The following MTREX variants were observed in gnomAD, a reference collection of about 807,000 sequenced individuals.
The protein encoded by MTREX is Mtr4 exosome RNA helicase, also known as exosome RNA helicase MTR4.
MTREX carries 76 observed loss-of-function variants against 135.4 expected under a neutral mutation model. The ratio of observed to expected loss-of-function variants is 0.56; its 90% CI spans 0.47 to 0.68. The LOEUF (loss-of-function observed/expected upper bound fraction) is 0.68. Among genes scored for constraint, MTREX ranks in the 30% least tolerant of loss-of-function variants. The probability of loss-of-function intolerance (pLI) is 0.00; values close to 1 mark genes in which losing one functional copy is unlikely to be tolerated. For missense variants in MTREX, 920 were observed against 1,262.1 expected (o/e 0.73, Z 4.11); for synonymous variants, 404 against 401.6 (o/e 1.01, Z -0.07).
intron 2 of MTREX, 104 bp from the exon 3 acceptor site, chr5:55,324,028 A>T (rs1427719373): frequency 1.0e-5 from 8 of 765,836 alleles, no homozygotes; most frequent in South Asian, 3.3e-5. Flanking sequence ...TGGAATACTG[A>T]TGATTGGACA....
intron 18 of MTREX, 130 bp downstream of exon 18, chr5:55,379,325 A>C: frequency 1.8e-6 from 1 of 569,696 alleles, no homozygotes; most frequent in Non-Finnish European, 3.0e-6. Context: ...GCCATGAGGA[A>C]TTAATTTTTG....
chr5:55,408,401 A>G (rs1433252456), intron 22 of MTREX, among the ~76,000 whole-genome samples: 6 of 152,112 alleles, frequency 3.9e-5, no homozygotes, highest in Admixed American at 2.0e-4. Context: ...TCTGCCCCCA[A>G]TGTTAGACTG....
chr5:55,313,804 C>G (rs1319883378), intron 1 of MTREX, among the ~76,000 whole-genome samples: 1 of 152,200 alleles, frequency 6.6e-6, no homozygotes, highest in Non-Finnish European at 1.5e-5. Flanking sequence ...TCCATTTCCT[C>G]CCTCCCCTTT....
chr5:55,317,964 T>C (rs890973142), intron 1 of MTREX, among the ~76,000 whole-genome samples: 9 of 152,138 alleles, frequency 5.9e-5, no homozygotes, highest in Non-Finnish European at 7.4e-5. Context: ...ACAAAGGACA[T>C]GAACAGACAT....
chr5:55,310,064 T>C (rs1749086149), intron 1 of MTREX, among the ~76,000 whole-genome samples: 1 of 152,218 alleles, frequency 6.6e-6, no homozygotes, highest in Non-Finnish European at 1.5e-5. Context: ...AATACATGTA[T>C]AATTTACCAT....
At chr5:55,317,354 A>T (rs1481784622) in intron 1 of MTREX, among the ~76,000 whole-genome samples, 2 of 152,212 alleles carry the variant, frequency 1.3e-5, no homozygotes, top group African/African-American at 2.4e-5. Context: ...AAAGCTGGAG[A>T]GGCATCACAT....
At chr5:55,330,111 C>G (rs1415339968) in intron 5 of MTREX, among the ~76,000 whole-genome samples, 3 of 152,002 alleles carry the variant, frequency 2.0e-5, no homozygotes, top group African/African-American at 7.2e-5. Flanking sequence ...CAGGGTCTTG[C>G]TCTGTCGCCC....
chr5:55,357,509 C>CT (rs1180791475), intron 14 of MTREX: 1 of 155,662 alleles, frequency 6.4e-6, no homozygotes, highest in Non-Finnish European at 1.4e-5. Flanking sequence ...AAGGACCTTG[C>CT]TTTTCCCTCA....
rs1749227703 is a variant in MTREX, at chr5:55,318,083, C to G, written c.135-4244C>G. ...ACCACAAATGAGATACCATCTAACA[C>G]CAGTCAGAATGGCTATTACTAAAAA... is the stretch of plus-strand genomic sequence containing the variant. On this transcript the variant is annotated intron_variant, in intron 1 of 26. Coordinates refer to ENST00000230640, the MANE Select transcript of MTREX (RefSeq NM_015360.5). Among the ~76,000 whole-genome samples, 4 of 152,138 alleles carry G rather than the reference C, an allele frequency of 2.6e-5. No individual in the cohort carries two copies. In the South Asian group the frequency reaches 6.2e-4, roughly 24 times the overall value.
chr5:55,333,463 C>T, intron 5 of MTREX, among the ~76,000 whole-genome samples: 1 of 152,100 alleles, frequency 6.6e-6, no homozygotes, highest in East Asian at 1.9e-4. Flanking sequence ...GCATTTAAAG[C>T]CAGCATATGT....
intron 5 of MTREX, among the ~76,000 whole-genome samples, chr5:55,337,485 TGTAA>T (rs1375906278): frequency 6.6e-6 from 1 of 152,066 alleles, no homozygotes; most frequent in Non-Finnish European, 1.5e-5. Context: ...TTATGTTTAA[TGTAA>T]GTGTTTATAT....
chr5:55,417,071 G>A (rs1750977220), intron 25 of MTREX, among the ~76,000 whole-genome samples: 1 of 152,068 alleles, frequency 6.6e-6, no homozygotes, highest in Non-Finnish European at 1.5e-5. Flanking sequence ...AACTTTATGG[G>A]TTTTAAGGTT....
intron 15 of MTREX, among the ~76,000 whole-genome samples, chr5:55,361,683 C>G (rs1289905080): frequency 1.3e-5 from 2 of 151,480 alleles, no homozygotes; most frequent in Non-Finnish European, 2.9e-5. Flanking sequence ...GTCTCGAACT[C>G]CTGACCTCAG....
chr5:55,378,974 T>TA (rs1176235459), intron 17 of MTREX, among the ~76,000 whole-genome samples, 153 bp from the exon 18 acceptor site: 1 of 152,240 alleles, frequency 6.6e-6, no homozygotes, highest in African/African-American at 2.4e-5. Context: ...GCAGGGTTGA[T>TA]ATCTTGTTTC....
chr5:55,321,115 A>C (rs917382630), intron 1 of MTREX, among the ~76,000 whole-genome samples: 1 of 152,198 alleles, frequency 6.6e-6, no homozygotes, highest in African/African-American at 2.4e-5. Flanking sequence ...TTGCCATTTT[A>C]AAGTGAATTA....
intron 5 of MTREX, among the ~76,000 whole-genome samples, chr5:55,337,043 C>G (rs1365153427): frequency 6.6e-6 from 1 of 152,104 alleles, no homozygotes; most frequent in Non-Finnish European, 1.5e-5. Context: ...CTAGGCATTT[C>G]TTTGTGGGAA....
At chr5:55,326,354 C>G (rs1458867816) in intron 3 of MTREX, among the ~76,000 whole-genome samples, 1 of 152,078 alleles carries the variant, frequency 6.6e-6, no homozygotes, top group Non-Finnish European at 1.5e-5. Flanking sequence ...GAGCTGAGAT[C>G]ACGCCACTGT....
At chr5:55,412,724 C>T (rs1384156111) in intron 23 of MTREX, among the ~76,000 whole-genome samples, 1 of 152,178 alleles carries the variant, frequency 6.6e-6, no homozygotes, top group Non-Finnish European at 1.5e-5. Context: ...AATTAACCTC[C>T]TCACATCAGG....
chr5:55,322,610 A>G, intron 2 of MTREX, 146 bp downstream of exon 2: 1 of 558,448 alleles, frequency 1.8e-6, no homozygotes, highest in Non-Finnish European at 3.0e-6. Flanking sequence ...CAGGCATGTA[A>G]ATGTAGAACA....
Sources: allele counts gnomAD v4.1 joint callset (sites outside exome capture counted in the v4.1 genomes callset), GRCh38; gene constraint gnomAD v4.1.1; transcripts MANE v1.5; gene names NCBI Gene and HGNC (gene_info 2026-07-23, HGNC 2026-07-21).